The following PBX1 variants were observed in gnomAD, a reference collection of about 807,000 sequenced individuals.
PBX1 encodes PBX homeobox 1, also known as pre-B-cell leukemia transcription factor 1.
PBX1 carries 6 observed loss-of-function variants against 53.4 expected under a neutral mutation model. The ratio of observed to expected loss-of-function variants is 0.11; its 90% CI spans 0.06 to 0.22. The LOEUF is 0.22. PBX1 is among the 10% of genes least tolerant of loss of function. The pLI is 1.00. For synonymous variants in PBX1, 204 were observed against 212.3 expected (o/e 0.96, Z 0.34); for missense variants, 251 against 551.4 (o/e 0.46, Z 5.46).
chr1:164,584,122 G>C (rs1426858178), intron 2 of PBX1, among the ~76,000 whole-genome samples: 1 of 152,150 alleles, frequency 6.6e-6, no homozygotes, highest in Non-Finnish European at 1.5e-5. Context: ...GGGAGGGAGA[G>C]GGGAAGGAGG....
In PBX1 at chr1:164,821,448, C is replaced by G; in HGVS notation, c.1111-89C>G. 3.1e-6 allele frequency: 3 copies of G among 982,242 alleles called. No individual in the cohort carries two copies. The South Asian group carries it at 3.9e-5, about 13-fold the overall frequency. 60.8% of individuals were successfully genotyped at this position (982,242 alleles called of 1,614,324 possible). A position where few individuals can be genotyped will look rare whatever the true frequency, so the allele number is the denominator to read the frequency against. On this transcript the variant is annotated intron_variant, in intron 7 of 8. Coordinates refer to ENST00000420696, the MANE Select transcript of PBX1 (RefSeq NM_002585.4). The stretch of plus-strand genomic sequence containing the variant: ...AAATGATTGCATTAATATGGCATGC[C>G]CAAATGGTGGCCTGCCTGATGATGA...
At chr1:164,788,457 G>C (rs1240357525) in intron 2 of PBX1, among the ~76,000 whole-genome samples, 1 of 150,776 alleles carries the variant, frequency 6.6e-6, no homozygotes, top group South Asian at 2.1e-4. Flanking sequence ...ATTCTTAATA[G>C]TGGTATATTT....
Position 164,607,273 on chromosome 1 carries a change from T to G in PBX1, c.265+43962T>G, listed in dbSNP as rs141686971. On this transcript the variant is annotated intron_variant, in intron 2 of 8. Transcript: ENST00000420696. ...GGATGGATTAAAGTGGGGGTGAGAT[T>G]AGAAAAAAATGAGCTAGAAGGTGAG... 1.8e-3 allele frequency among the ~76,000 whole-genome samples: 268 copies of G among 152,044 alleles called. 1 individual carries two copies. The highest frequency in any genetic ancestry group is 6.2e-3 in the African/African-American group (259 of 41,476).
At chr1:164,639,183 A>G (rs573881937) in intron 2 of PBX1, among the ~76,000 whole-genome samples, 1 of 152,330 alleles carries the variant, frequency 6.6e-6, no homozygotes, top group East Asian at 1.9e-4. Context: ...TCTTTTTGGC[A>G]TGCAGCAAGT....
rs142946470 is a variant in PBX1 at position 164,864,320 on chromosome 1, A to G, written n.257+32837A>G. On this transcript the variant is annotated intron_variant and non_coding_transcript_variant, in intron 2 of 2. Transcript: ENST00000558796. ...CATTCAGTGTAAATCTTTCTTGGAG[A>G]GTTGTTTCTCCTTGTGGTCATACAG... 4.5e-3 allele frequency among the ~76,000 whole-genome samples: 679 copies of G among 151,982 alleles called. 7 individuals carry two copies. The highest frequency in any genetic ancestry group is 0.036 in the South Asian group (174 of 4,786).
chr1:164,819,864 G>A, intron 6 of PBX1: 2 of 484,486 alleles, frequency 4.1e-6, no homozygotes, highest in Non-Finnish European at 7.3e-6. Context: ...TTGCAGTAAG[G>A]TATGGCTTCA....
chr1:164,799,503 T>C (rs1025974458), intron 3 of PBX1, among the ~76,000 whole-genome samples, 196 bp from the exon 4 acceptor site: 2 of 151,928 alleles, frequency 1.3e-5, no homozygotes, highest in African/African-American at 4.8e-5. Context: ...AAAAAATAAA[T>C]AAATAAAAAT....
intron 2 of PBX1, among the ~76,000 whole-genome samples, chr1:164,627,848 A>G (rs1658144130): frequency 6.6e-6 from 1 of 151,906 alleles, no homozygotes; most frequent in African/African-American, 2.4e-5. Flanking sequence ...AGATAATCTC[A>G]TTTTTCTCAC....
intron 2 of PBX1, among the ~76,000 whole-genome samples, chr1:164,772,358 A>G (rs1407654227): frequency 1.3e-5 from 2 of 152,178 alleles, no homozygotes; most frequent in Non-Finnish European, 2.9e-5. Flanking sequence ...ACCAACTCTG[A>G]CAAGCCACTC....
intron 2 of PBX1, among the ~76,000 whole-genome samples, chr1:164,741,106 CT>C (rs1665578644): frequency 6.6e-6 from 1 of 152,122 alleles, no homozygotes; most frequent in East Asian, 1.9e-4. Flanking sequence ...TTTGCCTATC[CT>C]CGATATGGTA....
intron 2 of PBX1, among the ~76,000 whole-genome samples, chr1:164,662,900 T>C (rs1660568615): frequency 6.6e-6 from 1 of 152,182 alleles, no homozygotes; most frequent in Non-Finnish European, 1.5e-5. Context: ...TTCTTACTCC[T>C]GAACTAGAAC....
intron 2 of PBX1, among the ~76,000 whole-genome samples, chr1:164,639,167 G>A (rs1305626932): frequency 3.9e-5 from 6 of 152,184 alleles, no homozygotes; most frequent in Admixed American, 6.5e-5. Context: ...TAAAAGAGGC[G>A]CTAGTTCTTT....
At chr1:164,622,862 T>C (rs1483402616) in intron 2 of PBX1, among the ~76,000 whole-genome samples, 1 of 148,928 alleles carries the variant, frequency 6.7e-6, no homozygotes, top group Non-Finnish European at 1.5e-5. Context: ...TCTTGCTCTT[T>C]CGCCCAGGCT....
intron 2 of PBX1, among the ~76,000 whole-genome samples, chr1:164,761,526 G>T (rs1666812965): frequency 6.6e-6 from 1 of 151,810 alleles, no homozygotes; most frequent in Non-Finnish European, 1.5e-5. Context: ...CTCACTGCAA[G>T]CTCCGCCTCC....
intron 2 of PBX1, among the ~76,000 whole-genome samples, chr1:164,864,100 C>T (rs1026713218): frequency 1.3e-5 from 2 of 152,138 alleles, no homozygotes; most frequent in African/African-American, 4.8e-5. Flanking sequence ...TGTTTAATTG[C>T]CACGGGCAGG....
chr1:164,783,978 G>GA (rs1196322176), intron 2 of PBX1, among the ~76,000 whole-genome samples: 7 of 152,208 alleles, frequency 4.6e-5, no homozygotes, highest in African/African-American at 1.7e-4. Context: ...ATTGTAGAGA[G>GA]AAGCTTTCAT....
At chr1:164,743,782 A>G (rs1393642461) in intron 2 of PBX1, among the ~76,000 whole-genome samples, 2 of 152,328 alleles carry the variant, frequency 1.3e-5, no homozygotes, top group South Asian at 4.1e-4. Context: ...GGAAGGAAGG[A>G]GAAGACTAGA....
chr1:164,800,988 C>G (rs567403824), intron 4 of PBX1, among the ~76,000 whole-genome samples: 4 of 152,108 alleles, frequency 2.6e-5, no homozygotes, highest in Non-Finnish European at 5.9e-5. Flanking sequence ...CTGCATTTTT[C>G]TCTGTGTTCA....
chr1:164,584,804 C>T (rs1233992471), intron 2 of PBX1, among the ~76,000 whole-genome samples: 2 of 152,084 alleles, frequency 1.3e-5, no homozygotes, highest in Admixed American at 1.3e-4. Flanking sequence ...TTTAACTAAT[C>T]AAGGGCTCAG....
Sources: allele counts gnomAD v4.1 joint callset (sites outside exome capture counted in the v4.1 genomes callset), GRCh38; gene constraint gnomAD v4.1.1; transcripts MANE v1.5; gene names NCBI Gene and HGNC (gene_info 2026-07-23, HGNC 2026-07-21).